Variants in CHD1 observed in about 807,000 individuals in gnomAD.
CHD1 encodes chromodomain helicase DNA binding protein 1, also known as ATP-dependent chromatin remodeler CHD1.
A neutral mutation model predicts 224.2 loss-of-function variants in CHD1; 36 were observed. The ratio of observed to expected loss-of-function variants is 0.16; its 90% CI spans 0.12 to 0.21. CHD1 has a LOEUF of 0.21. CHD1 is among the 10% of genes least tolerant of loss of function. The probability of loss-of-function intolerance (pLI) is 1.00; values close to 1 mark genes in which losing one functional copy is unlikely to be tolerated. For missense variants in CHD1, 1,378 were observed against 1,994.8 expected, an observed-to-expected ratio of 0.69 and a Z score of 5.89; for synonymous variants, 668 against 658.3, an observed-to-expected ratio of 1.01 and a Z score of -0.23.
At chr5:98,899,777 C>A (rs1751573634) in intron 7 of CHD1, 72 bp from the exon 8 acceptor site, 2 of 1,048,214 alleles carry the variant, frequency 1.9e-6, no homozygotes, top group African/African-American at 1.6e-5. Context: ...CTCAAAATTT[C>A]AATAATATGA....
chr5:98,858,653 C>T, intron 34 of CHD1: 1 of 439,528 alleles, frequency 2.3e-6, no homozygotes, highest in East Asian at 3.7e-5. Flanking sequence ...GACTCTGATA[C>T]AGAAAGAATG....
chr5:98,892,413 G>C (rs1317869620), intron 15 of CHD1, 112 bp downstream of exon 15: 1 of 647,314 alleles, frequency 1.5e-6, no homozygotes, highest in South Asian at 3.7e-5. Context: ...CTCGAGAATT[G>C]CAACTGCTCT....
At chr5:98,910,719 A>G (rs1001609290) in intron 2 of CHD1, among the ~76,000 whole-genome samples, 1 of 152,140 alleles carries the variant, frequency 6.6e-6, no homozygotes, top group Non-Finnish European at 1.5e-5. Flanking sequence ...AATAAATGGT[A>G]GCAGATTATA....
Position 98,883,250 on chromosome 5 carries a change from G to T in CHD1, c.2569-13C>A. The T allele has an allele frequency of 6.4e-7, 1 of 1,563,242 alleles. No homozygotes were observed. Among genetic ancestry groups the T allele is most frequent in the South Asian group, 1.2e-5 (1 of 83,664 alleles). ...AAAAGCAAAAATCCTGTAAGAAATT[G>T]AATAATCAAAATGAAAAATTTTTCA... On this transcript the variant is annotated splice_polypyrimidine_tract_variant and intron_variant, in intron 18 of 35. Coordinates refer to ENST00000614616, the MANE Select transcript of CHD1 (RefSeq NM_001270.4).
At chr5:98,909,819 C>G (rs961525396) in intron 2 of CHD1, among the ~76,000 whole-genome samples, 3 of 152,146 alleles carry the variant, frequency 2.0e-5, no homozygotes, top group African/African-American at 7.2e-5. Context: ...TTTTAATCTA[C>G]TGTCAGCATC....
intron 10 of CHD1, among the ~76,000 whole-genome samples, chr5:98,897,975 T>C (rs913310361): frequency 7.2e-5 from 11 of 152,156 alleles, no homozygotes; most frequent in South Asian, 2.1e-4. Context: ...CTTTCTGACA[T>C]AGTGATGCTC....
chr5:98,918,129 C>T (rs1238468511), intron 2 of CHD1, among the ~76,000 whole-genome samples: 1 of 151,168 alleles, frequency 6.6e-6, no homozygotes, highest in Non-Finnish European at 1.5e-5. Flanking sequence ...ACGATCTCGG[C>T]TCACTGCAAG....
intron 28 of CHD1, 129 bp from the exon 29 acceptor site, chr5:98,870,932 G>A: frequency 2.1e-6 from 1 of 470,758 alleles, no homozygotes; most frequent in Non-Finnish European, 3.7e-6. Context: ...ATATTTGTAG[G>A]AATAAACTCA....
intron 30 of CHD1, chr5:98,869,181 G>A: frequency 1.0e-6 from 1 of 966,912 alleles, no homozygotes; most frequent in Non-Finnish European, 1.2e-6. Context: ...TTTTCTTCTG[G>A]TTCCTTCTTT....
chr5:98,863,344 C>CA (rs35183210), intron 32 of CHD1, 64 bp downstream of exon 32: 35,763 of 775,764 alleles, frequency 0.046, 4 homozygotes, highest in East Asian at 0.063. Flanking sequence ...GGAAAGAAAA[C>CA]AAAAAAAAAA....
Position 98,856,490 on chromosome 5 carries a change from G to A in CHD1, c.5023C>T (p.Pro1675Ser), listed in dbSNP as rs1298136934. 1 of 1,613,582 alleles carries A rather than the reference G, an allele frequency of 6.2e-7. No individual in the cohort carries two copies. The highest frequency in any genetic ancestry group is 1.7e-5 in the Admixed American group (1 of 59,970). The stretch of plus-strand genomic sequence containing the variant: ...GATCTCTGATCTAGTGGTGACCTAG[G>A]GCCACTGCTGGAAGCTCTGTGGTCC... ...QMDHRASSSG[P>S]RSPLDQRSPY... Residue 1675 changes from proline to serine, a missense_variant, in exon 36 of 36, where the codon CCT becomes TCT. By Grantham distance (74) the Pro-to-Ser change is moderately conservative (BLOSUM62 -1). This residue lies in a region of CHD1 where 278 missense variants were observed against 298.5 expected (regional missense o/e 0.93). Coordinates refer to ENST00000614616, the MANE Select transcript of CHD1 (RefSeq NM_001270.4).
chr5:98,870,903 C>A, intron 28 of CHD1, 100 bp from the exon 29 acceptor site: 1 of 534,112 alleles, frequency 1.9e-6, no homozygotes. Context: ...TATAGTTCAC[C>A]AACAAGTTTC....
chr5:98,876,762 C>T (rs1198552056), intron 23 of CHD1, among the ~76,000 whole-genome samples: 2 of 152,148 alleles, frequency 1.3e-5, no homozygotes, highest in Non-Finnish European at 2.9e-5. Context: ...GACATTATAT[C>T]AAAAGCCTCC....
rs1328096270 is a variant in CHD1, at chr5:98,901,949, A to C, written c.438-614T>G. Among the ~76,000 whole-genome samples the C allele has an allele frequency of 2.6e-5, 4 of 152,108 alleles. No homozygotes were observed. The East Asian group carries it at 5.8e-4, about 22-fold the overall frequency. On this transcript the variant is annotated intron_variant, in intron 5 of 35. Coordinates refer to ENST00000614616, the MANE Select transcript of CHD1 (RefSeq NM_001270.4). ...AATTCTTACAAATACACTATATCCT[A>C]TTTCAGCTATGCTTCTGCTTCATTG...
At chr5:98,927,331 G>C (rs778484091) in intron 1 of CHD1, among the ~76,000 whole-genome samples, 2 of 152,154 alleles carry the variant, frequency 1.3e-5, no homozygotes, top group Non-Finnish European at 1.5e-5. Flanking sequence ...GGAGATCTCT[G>C]GCAGGGGAGG....
chr5:98,885,780 A>C, intron 17 of CHD1, 131 bp from the exon 18 acceptor site: 1 of 609,684 alleles, frequency 1.6e-6, no homozygotes, highest in South Asian at 2.2e-5. Context: ...AGTACTTACT[A>C]GACAGTAAAA....
rs140515271 is a variant in CHD1, at chr5:98,868,576, A to G, written c.4167T>C (p.Ala1389=). 239 of 1,611,450 alleles carry G rather than the reference A, an allele frequency of 1.5e-4. 1 individual carries two copies. In the African/African-American group the frequency reaches 2.7e-3, roughly 18 times the overall value. Residue 1389 remains alanine (A), a synonymous_variant, in exon 31 of 36, where the codon GCT becomes GCC. Coordinates refer to ENST00000614616, the MANE Select transcript of CHD1 (RefSeq NM_001270.4). The part of the protein sequence containing the change: ...ERSKKSSVSD[A]PVHITASGEP... The stretch of plus-strand genomic sequence containing the variant: ...CACCACTTGCCGTGATATGAACTGG[A>G]GCATCTGACACTGAAGATTTCTTGG...
In CHD1 at chr5:98,899,474, A is replaced by G; in HGVS notation, c.1085+6T>C. The G allele has an allele frequency of 6.6e-7, 1 of 1,520,162 alleles. No individual in the cohort carries two copies. Among genetic ancestry groups the G allele is most frequent in the Non-Finnish European group, 9.1e-7 (1 of 1,097,446 alleles). 94.2% of individuals were successfully genotyped at this position (1,520,162 alleles called of 1,614,324 possible). ...AAAAGAAGTATATGATATACAGCAT[A>G]CTTACCATCTTTTTGTTTCCTGATC... On this transcript the variant is annotated splice_donor_region_variant and intron_variant, in intron 8 of 35. Transcript: ENST00000614616.
At chr5:98,871,609 A>G (rs953528638) in intron 28 of CHD1, among the ~76,000 whole-genome samples, 6 of 152,058 alleles carry the variant, frequency 3.9e-5, no homozygotes, top group African/African-American at 1.4e-4. Context: ...TAATCTATAC[A>G]TTATAAAATA....
Sources: allele counts gnomAD v4.1 joint callset (sites outside exome capture counted in the v4.1 genomes callset), GRCh38; gene constraint gnomAD v4.1.1; regional missense constraint gnomAD v4.1.1; transcripts MANE v1.5; gene names NCBI Gene and HGNC (gene_info 2026-07-23, HGNC 2026-07-21).